CPNE4: variants seen among roughly 807,000 people sequenced by gnomAD.
CPNE4 encodes the protein copine 4.
Under a neutral mutation model 67.9 loss-of-function variants are expected in CPNE4, and 25 were observed. The observed-to-expected ratio is 0.37, with a 90% CI of 0.27 to 0.51. CPNE4 has a LOEUF of 0.51. CPNE4 is among the 20% of genes least tolerant of loss of function. The pLI, the probability that CPNE4 is intolerant of heterozygous loss-of-function variation, is 0.93. For missense variants in CPNE4, 464 were observed against 690.8 expected (o/e 0.67, Z 3.68); for synonymous variants, 242 against 244.9 (o/e 0.99, Z 0.11).
intron 2 of CPNE4, among the ~76,000 whole-genome samples, chr3:131,845,796 G>A (rs1208014440): frequency 6.6e-6 from 1 of 152,168 alleles, no homozygotes; most frequent in African/African-American, 2.4e-5. Flanking sequence ...TTTATGTAGA[G>A]GTTGTTCCGC....
intron 2 of CPNE4, among the ~76,000 whole-genome samples, chr3:131,749,381 A>G (rs2082568929): frequency 6.6e-6 from 1 of 152,194 alleles, no homozygotes; most frequent in Non-Finnish European, 1.5e-5. Flanking sequence ...GATATAGTCT[A>G]TCTTAATATT....
chr3:131,980,452 C>T (rs1415925850), intron 1 of CPNE4, among the ~76,000 whole-genome samples: 1 of 152,066 alleles, frequency 6.6e-6, no homozygotes, highest in Non-Finnish European at 1.5e-5. Context: ...TGTCTTTGAG[C>T]TCTAAATTTT....
intron 8 of CPNE4, among the ~76,000 whole-genome samples, chr3:131,581,883 C>T (rs1163458462): frequency 6.6e-6 from 1 of 152,188 alleles, no homozygotes; most frequent in African/African-American, 2.4e-5. Context: ...CTCCGCTTCC[C>T]TGCTTATGTG....
At position 131,792,678 on chromosome 3, in the gene CPNE4, T is replaced by TACACACGTGTATATATACATATAC. The variant is rs1560322433; in HGVS notation, c.181-69077_181-69054dup. 9.7e-5 allele frequency among the ~76,000 whole-genome samples: 6 copies of TACACACGTGTATATATACATATAC among 61,568 alleles called. 1 individual carries two copies. The highest frequency in any genetic ancestry group is 2.5e-4 in the African/African-American group (4 of 16,132). The allele number at this position is 61,568 out of a possible 152,430, so 40.4% of individuals were successfully genotyped here. ...ATACACACGTGTATATATACATATA[T>TACACACGTGTATATATACATATAC]ACACACGTGTATATATACATATACA... On this transcript the variant is annotated intron_variant, in intron 2 of 15. Transcript: ENST00000429747.
chr3:131,889,579 A>T lies in CPNE4; in HGVS notation c.180+15685T>A, dbSNP rs114076167. ...CAGCCAAGAGTTTATTTTTCTTCTT[A>T]TGCCACTTTCTGAATTTCAAATATT... On this transcript the variant is annotated intron_variant, in intron 2 of 15. Coordinates refer to ENST00000429747, the MANE Select transcript of CPNE4 (RefSeq NM_130808.3). Among the ~76,000 whole-genome samples the T allele has an allele frequency of 8.9e-3, 1,361 of 152,344 alleles. 16 individuals carry two copies. The highest frequency in any genetic ancestry group is 0.03 in the African/African-American group (1,265 of 41,592).
chr3:132,001,606 A>G (rs1159390447), intron 1 of CPNE4, among the ~76,000 whole-genome samples: 1 of 150,384 alleles, frequency 6.6e-6, no homozygotes, highest in Non-Finnish European at 1.5e-5. Context: ...AAAGAAAGAA[A>G]GAAAGAAAGA....
intron 1 of CPNE4, among the ~76,000 whole-genome samples, chr3:131,951,714 C>T (rs573813199): frequency 6.6e-6 from 1 of 152,202 alleles, no homozygotes; most frequent in Non-Finnish European, 1.5e-5. Context: ...AAGCGCGTGC[C>T]GCCACGCCTG....
chr3:131,996,152 GCTGT>G (rs753280741), intron 1 of CPNE4, among the ~76,000 whole-genome samples: 36 of 152,284 alleles, frequency 2.4e-4, no homozygotes, highest in African/African-American at 7.9e-4. Context: ...ACGATAAAAT[GCTGT>G]CTGTGTTTTG....
intron 1 of CPNE4, among the ~76,000 whole-genome samples, chr3:132,010,993 T>C (rs943342497): frequency 6.6e-6 from 1 of 152,078 alleles, no homozygotes; most frequent in South Asian, 2.1e-4. Context: ...TCAAAGGACC[T>C]CCAAATTAAA....
intron 2 of CPNE4, among the ~76,000 whole-genome samples, chr3:131,802,810 G>C (rs888463750): frequency 3.3e-5 from 5 of 152,196 alleles, no homozygotes; most frequent in African/African-American, 1.2e-4. Flanking sequence ...TGGACATAGA[G>C]AAAGATGCTG....
chr3:131,590,351 T>C (rs1339689742), intron 7 of CPNE4, among the ~76,000 whole-genome samples: 2 of 152,138 alleles, frequency 1.3e-5, no homozygotes, highest in African/African-American at 4.8e-5. Flanking sequence ...ACAGAAATAC[T>C]GTGGAGCAGT....
intron 1 of CPNE4, among the ~76,000 whole-genome samples, chr3:131,947,399 C>A (rs531871020): frequency 1.6e-4 from 25 of 152,224 alleles, no homozygotes; most frequent in African/African-American, 6.0e-4. Context: ...CTCCCACCCC[C>A]CAATAGGCCC....
intron 1 of CPNE4, among the ~76,000 whole-genome samples, chr3:131,983,196 AG>A (rs548152780): frequency 8.8e-4 from 134 of 152,310 alleles, no homozygotes; most frequent in African/African-American, 3.0e-3. Context: ...TAGTTAACTT[AG>A]ATTAATTCCA....
chr3:131,878,065 CTG>C (rs1177628914), intron 2 of CPNE4, among the ~76,000 whole-genome samples: 2 of 152,182 alleles, frequency 1.3e-5, no homozygotes, highest in African/African-American at 2.4e-5. Context: ...TTGTAGAAAA[CTG>C]TTTGAAAATC....
intron 1 of CPNE4, among the ~76,000 whole-genome samples, chr3:131,943,422 T>C (rs1327864622): frequency 6.6e-6 from 1 of 152,168 alleles, no homozygotes; most frequent in African/African-American, 2.4e-5. Flanking sequence ...AAAAGAGTTC[T>C]TACCTATCAC....
chr3:131,737,115 C>CTTTTTTGTTTTTTTTTTTTTT (rs2082254196), intron 2 of CPNE4, among the ~76,000 whole-genome samples: 1 of 49,362 alleles, frequency 2.0e-5, no homozygotes, highest in African/African-American at 7.6e-5. Context: ...AGTATTGTGT[C>CTTTTTTGTTTTTTTTTTTTTT]TTTTTTTTTT....
chr3:131,866,674 G>C, intron 2 of CPNE4, among the ~76,000 whole-genome samples: 1 of 152,142 alleles, frequency 6.6e-6, no homozygotes, highest in Non-Finnish European at 1.5e-5. Flanking sequence ...GAATCGGGTA[G>C]GCACTAGAAA....
In CPNE4 at chr3:131,639,145, T is replaced by C. The variant is rs113584286; in HGVS notation, c.681+30530A>G. 2.9e-3 allele frequency among the ~76,000 whole-genome samples: 441 copies of C among 151,656 alleles called. 6 individuals are homozygous for C. The highest frequency in any genetic ancestry group is 0.026 in the South Asian group (126 of 4,798). ...ATCGAAATCCAAACCCAGCAGAAGA[T>C]AATAAATAAGGAAGATCAGAGCACA... On this transcript the variant is annotated intron_variant, in intron 7 of 15. Transcript: ENST00000429747.
chr3:131,876,939 A>T (rs1375832597), intron 2 of CPNE4, among the ~76,000 whole-genome samples: 2 of 152,168 alleles, frequency 1.3e-5, no homozygotes, highest in African/African-American at 2.4e-5. Context: ...CCAAGGCTAA[A>T]AATGAGTTGA....
Sources: allele counts gnomAD v4.1 joint callset (sites outside exome capture counted in the v4.1 genomes callset), GRCh38; gene constraint gnomAD v4.1.1; transcripts MANE v1.5; gene names NCBI Gene and HGNC (gene_info 2026-07-23, HGNC 2026-07-21).